The following OR1L8 variants were observed in gnomAD, a reference collection of about 807,000 sequenced individuals.
OR1L8 encodes the protein olfactory receptor family 1 subfamily L member 8, also known as olfactory receptor 1L8.
For missense variants in OR1L8, 330 were observed against 377.4 expected (o/e 0.87, Z 1.04); for synonymous variants, 148 against 147.0 (o/e 1.01, Z -0.05).
chr9:122,571,692 G>A (rs1378702384), intron 4 of OR1L8, among the ~76,000 whole-genome samples: 1 of 150,700 alleles, frequency 6.6e-6, no homozygotes, highest in African/African-American at 2.5e-5. Flanking sequence ...CTCCAGCCTG[G>A]CGACAGAGCG....
At chr9:122,569,391 A>G (rs1248543332) in intron 4 of OR1L8, among the ~76,000 whole-genome samples, 1 of 152,220 alleles carries the variant, frequency 6.6e-6, no homozygotes, top group African/African-American at 2.4e-5. Context: ...ATCCCGATCC[A>G]GTTACCTACC....
At chr9:122,578,055 A>G (rs1182612744) in intron 2 of OR1L8, among the ~76,000 whole-genome samples, 1 of 152,238 alleles carries the variant, frequency 6.6e-6, no homozygotes, top group African/African-American at 2.4e-5. Context: ...AATTAGTACA[A>G]CCACTATGGA....
the OR1L8 span, among the ~76,000 whole-genome samples, chr9:122,548,057 T>G: frequency 1.3e-5 from 2 of 152,222 alleles, no homozygotes; most frequent in African/African-American, 4.8e-5. Flanking sequence ...TTGAGCATTT[T>G]CCTCATATGC....
At chr9:122,550,262 C>CCAA in the OR1L8 span, among the ~76,000 whole-genome samples, 6 of 151,858 alleles carry the variant, frequency 4.0e-5, no homozygotes, top group Non-Finnish European at 8.8e-5. Flanking sequence ...ATACAATCTC[C>CCAA]CAACAACAAC....
At chr9:122,571,354 A>G (rs1192691885) in intron 4 of OR1L8, among the ~76,000 whole-genome samples, 3 of 152,042 alleles carry the variant, frequency 2.0e-5, no homozygotes, top group Admixed American at 1.3e-4. Flanking sequence ...GATTGGGTGC[A>G]TCCTGGCCAA....
At chr9:122,553,873 A>T in the OR1L8 span, 1 of 1,613,786 alleles carries the variant, frequency 6.2e-7, no homozygotes, top group Non-Finnish European at 8.5e-7. Context: ...GTCTTCTCCT[A>T]TGTCCGCATT....
intron 1 of OR1L8, among the ~76,000 whole-genome samples, 158 bp from the exon 2 acceptor site, chr9:122,578,603 C>T (rs1320836026): frequency 6.6e-6 from 1 of 151,992 alleles, no homozygotes; most frequent in Non-Finnish European, 1.5e-5. Context: ...ATACATATAC[C>T]ATGGAATACT....
At chr9:122,579,869 A>G (rs73565644) in intron 1 of OR1L8, among the ~76,000 whole-genome samples, 4,021 of 152,272 alleles carry the variant, frequency 0.026, 122 homozygotes, top group African/African-American at 0.071. Context: ...TTATAGAATC[A>G]CAGGCTCTAG....
rs185594934 is a variant in OR1L8 at position 122,581,775 on chromosome 9, T to C, written c.-600+1546A>G. 6.2e-3 allele frequency among the ~76,000 whole-genome samples: 940 copies of C among 152,148 alleles called. 5 individuals carry two copies. Among genetic ancestry groups the C allele is most frequent in the Non-Finnish European group, 0.011 (743 of 68,000 alleles). ...CAGCCTGGCCAACATGGTGAAACCCTGTCTCTACTAAAACTAGAAAAATCA... is the reference window on the plus strand; with the variant it reads ...CAGCCTGGCCAACATGGTGAAACCCCGTCTCTACTAAAACTAGAAAAATCA... On this transcript the variant is annotated intron_variant, in intron 1 of 4. Coordinates refer to ENST00000641027, the MANE Select transcript of OR1L8 (RefSeq NM_001004454.2).
At chr9:122,553,922 A>T in the OR1L8 span, 1 of 1,613,608 alleles carries the variant, frequency 6.2e-7, no homozygotes, top group South Asian at 1.1e-5. Flanking sequence ...CTGGAGGGAG[A>T]TGGAAGGCCT....
the OR1L8 span, chr9:122,553,199 C>G: frequency 6.2e-7 from 1 of 1,611,678 alleles, no homozygotes; most frequent in Non-Finnish European, 8.5e-7. Context: ...GCAGATCACA[C>G]GAACTACAAG....
At chr9:122,549,510 C>G in the OR1L8 span, among the ~76,000 whole-genome samples, 1 of 152,170 alleles carries the variant, frequency 6.6e-6, no homozygotes, top group African/African-American at 2.4e-5. Flanking sequence ...ACAGTTAAGT[C>G]TTTAATCCAT....
At chr9:122,571,116 C>T (rs769079389) in intron 4 of OR1L8, among the ~76,000 whole-genome samples, 2 of 152,318 alleles carry the variant, frequency 1.3e-5, no homozygotes, top group East Asian at 3.9e-4. Context: ...CACAAATACA[C>T]AACTGACAAA....
intron 2 of OR1L8, among the ~76,000 whole-genome samples, chr9:122,578,011 A>C (rs560656097): frequency 6.6e-6 from 1 of 152,354 alleles, no homozygotes; most frequent in African/African-American, 2.4e-5. Context: ...TGTGGTGAAA[A>C]GGAAAACACT....
At chr9:122,552,491 G>A in the OR1L8 span, among the ~76,000 whole-genome samples, 1 of 152,166 alleles carries the variant, frequency 6.6e-6, no homozygotes, top group Admixed American at 6.5e-5. Flanking sequence ...GGATAAAGGA[G>A]AGGAAGTGAT....
At chr9:122,571,180 A>G (rs374723851) in intron 4 of OR1L8, among the ~76,000 whole-genome samples, 1 of 152,136 alleles carries the variant, frequency 6.6e-6, no homozygotes, top group Admixed American at 6.5e-5. Context: ...GTGATTACCA[A>G]TCTTTCTGTG....
intron 4 of OR1L8, among the ~76,000 whole-genome samples, chr9:122,569,966 G>C (rs1335347693): frequency 6.7e-6 from 1 of 150,178 alleles, no homozygotes; most frequent in Admixed American, 6.7e-5. Flanking sequence ...TACTGAGAAT[G>C]ATGATTTCCA....
At chr9:122,571,204 G>A (rs932452513) in intron 4 of OR1L8, among the ~76,000 whole-genome samples, 8 of 152,128 alleles carry the variant, frequency 5.3e-5, no homozygotes, top group African/African-American at 1.4e-4. Flanking sequence ...TACAGATGGT[G>A]GGATTTGAAA....
chr9:122,578,494 T>C (rs935267524), intron 1 of OR1L8, 49 bp from the exon 2 acceptor site: 1 of 151,150 alleles, frequency 6.6e-6, no homozygotes, highest in Non-Finnish European at 1.5e-5. Context: ...AAAAGATACT[T>C]GCACATGCAT....
Sources: allele counts gnomAD v4.1 joint callset (sites outside exome capture counted in the v4.1 genomes callset), GRCh38; gene constraint gnomAD v4.1.1; transcripts MANE v1.5; gene names NCBI Gene and HGNC (gene_info 2026-07-23, HGNC 2026-07-21).